The following CPEB1 variants were observed in gnomAD, a reference collection of about 807,000 sequenced individuals.
The protein encoded by CPEB1 is cytoplasmic polyadenylation element-binding protein 1.
CPEB1 carries 7 observed loss-of-function variants against 65.8 expected under a neutral mutation model. The ratio of observed to expected loss-of-function variants is 0.11; its 90% CI spans 0.06 to 0.20. The LOEUF is 0.20. Ranked by LOEUF, CPEB1 falls within the 10% of genes least tolerant of loss-of-function variation. The pLI is 1.00. For missense variants in CPEB1, 551 were observed against 712.2 expected, an observed-to-expected ratio of 0.77 and a Z score of 2.58; for synonymous variants, 262 against 260.0, an observed-to-expected ratio of 1.01 and a Z score of -0.08.
Position 82,544,365 on chromosome 15 carries a change from A to C in CPEB1, c.*227T>G. The stretch of plus-strand genomic sequence containing the variant: ...TACAGAGTCGCTTGGAGGGTAAGCC[A>C]GAGGGTCCTTGCCCTTGGTACACCC... On this transcript the variant is annotated 3_prime_UTR_variant, in exon 13 of 13. Coordinates refer to ENST00000684509, the MANE Select transcript of CPEB1 (RefSeq NM_001365242.1). 11 of 319,438 alleles carry C rather than the reference A, an allele frequency of 3.4e-5. No individual in the cohort carries two copies. The highest frequency in any genetic ancestry group is 6.8e-5 in the African/African-American group (3 of 44,146). 19.8% of individuals were successfully genotyped at this position (319,438 alleles called of 1,614,324 possible).
chr15:82,575,557 C>T (rs1203210331), intron 3 of CPEB1, among the ~76,000 whole-genome samples: 2 of 152,176 alleles, frequency 1.3e-5, no homozygotes, highest in African/African-American at 4.8e-5. Context: ...AAAATACCCA[C>T]AACCATATCT....
At chr15:82,591,842 CTTT>C (rs771971142) in intron 3 of CPEB1, among the ~76,000 whole-genome samples, 1,555 of 134,108 alleles carry the variant, frequency 0.012, 27 homozygotes, top group African/African-American at 0.039. Context: ...TGTATCAGAA[CTTT>C]TTTTTTTTTT....
At chr15:82,634,670 T>C (rs1188971808) in intron 1 of CPEB1, among the ~76,000 whole-genome samples, 1 of 152,210 alleles carries the variant, frequency 6.6e-6, no homozygotes, top group Non-Finnish European at 1.5e-5. Context: ...GTAATCCTCC[T>C]GACAAAAATG....
At chr15:82,610,340 A>T (rs1186505219) in intron 3 of CPEB1, among the ~76,000 whole-genome samples, 4 of 152,182 alleles carry the variant, frequency 2.6e-5, no homozygotes, top group Non-Finnish European at 5.9e-5. Context: ...ACGAGGAGGG[A>T]ACACTTTACA....
At chr15:82,558,036 C>T (rs2037539564) in intron 4 of CPEB1, 50 bp from the exon 5 acceptor site, 1 of 1,324,740 alleles carries the variant, frequency 7.5e-7, no homozygotes, top group African/African-American at 1.5e-5. Flanking sequence ...TTCTTTGCAG[C>T]CAACAGCCTC....
intron 3 of CPEB1, among the ~76,000 whole-genome samples, chr15:82,586,936 T>C (rs970805654): frequency 2.0e-5 from 3 of 152,322 alleles, no homozygotes; most frequent in Middle Eastern, 3.4e-3. Flanking sequence ...TAGATGACAA[T>C]GAATTAACAC....
intron 3 of CPEB1, among the ~76,000 whole-genome samples, chr15:82,626,013 G>A (rs1044799356): frequency 6.6e-6 from 1 of 151,740 alleles, no homozygotes; most frequent in African/African-American, 2.4e-5. Flanking sequence ...CCAGCTACTT[G>A]GGAGACTGAG....
chr15:82,548,939 A>G (rs2035768065), intron 10 of CPEB1, among the ~76,000 whole-genome samples: 1 of 152,208 alleles, frequency 6.6e-6, no homozygotes. Flanking sequence ...CCTTTCTCAG[A>G]GGAGCTGATC....
At chr15:82,603,779 A>T (rs921235897) in intron 3 of CPEB1, among the ~76,000 whole-genome samples, 5 of 152,182 alleles carry the variant, frequency 3.3e-5, no homozygotes, top group African/African-American at 7.2e-5. Context: ...CCACATATTT[A>T]AAAAATGCGA....
intron 3 of CPEB1, chr15:82,573,331 A>T: frequency 1.5e-6 from 1 of 660,400 alleles, no homozygotes; most frequent in East Asian, 3.0e-5. Context: ...GTGTTTGTCA[A>T]AGCCTTGTTC....
chr15:82,596,149 C>T (rs1413956017), intron 3 of CPEB1, among the ~76,000 whole-genome samples: 1 of 152,154 alleles, frequency 6.6e-6, no homozygotes, highest in Non-Finnish European at 1.5e-5. Flanking sequence ...ATCACAGAAT[C>T]ACAATGCTAT....
chr15:82,611,991 A>T (rs2044200161), intron 3 of CPEB1, among the ~76,000 whole-genome samples: 1 of 151,986 alleles, frequency 6.6e-6, no homozygotes, highest in Non-Finnish European at 1.5e-5. Flanking sequence ...TGGGCAGATC[A>T]TGAGGTCAGG....
In CPEB1 at chr15:82,544,272, G is replaced by GTTTT. The variant is rs35946080; in HGVS notation, c.*316_*319dup. 85 of 131,130 alleles carry GTTTT rather than the reference G, an allele frequency of 6.5e-4. No individual in the cohort carries two copies. Among genetic ancestry groups the GTTTT allele is most frequent in the South Asian group, 2.0e-3 (9 of 4,444 alleles). The allele number at this position is 131,130 out of a possible 1,614,324, so 8.1% of individuals were successfully genotyped here. A position where few individuals can be genotyped will look rare whatever the true frequency, so the allele number is the denominator to read the frequency against. On this transcript the variant is annotated 3_prime_UTR_variant, in exon 13 of 13. Coordinates refer to ENST00000684509, the MANE Select transcript of CPEB1 (RefSeq NM_001365242.1). ...TACCTCAATACCTTCTGGACACGTA[G>GTTTT]TTTTTTTTTTTTTTTTTTTTTTCCC...
At chr15:82,648,277 AAG>A (rs1256670263), upstream of CPEB1, 2 of 176,624 alleles carry the variant, frequency 1.1e-5, no homozygotes, top group Non-Finnish European at 1.2e-5. Flanking sequence ...CTCTTAACGA[AAG>A]AGGGCACGAT....
At chr15:82,618,954 T>C (rs1234806315) in intron 3 of CPEB1, among the ~76,000 whole-genome samples, 1 of 152,174 alleles carries the variant, frequency 6.6e-6, no homozygotes, top group Non-Finnish European at 1.5e-5. Flanking sequence ...GGGGTGGAGC[T>C]TGGACTGATG....
intron 4 of CPEB1, among the ~76,000 whole-genome samples, chr15:82,558,663 G>C (rs931502427): frequency 6.6e-6 from 1 of 152,180 alleles, no homozygotes; most frequent in African/African-American, 2.4e-5. Flanking sequence ...AGCTCACTTA[G>C]CTTCTCTGAC....
chr15:82,575,290 C>A (rs1011809173), intron 3 of CPEB1, among the ~76,000 whole-genome samples: 1 of 152,078 alleles, frequency 6.6e-6, no homozygotes, highest in South Asian at 2.1e-4. Flanking sequence ...TAAACTCTGA[C>A]CTATATACAA....
At chr15:82,606,589 C>T (rs113411441) in intron 3 of CPEB1, among the ~76,000 whole-genome samples, 7 of 46,706 alleles carry the variant, frequency 1.5e-4, no homozygotes, top group South Asian at 8.1e-4. Context: ...GAGGCCGAGG[C>T]GGGCGGATCA....
intron 3 of CPEB1, among the ~76,000 whole-genome samples, chr15:82,609,826 T>C (rs1186892776): frequency 6.6e-6 from 1 of 151,894 alleles, no homozygotes; most frequent in East Asian, 1.9e-4. Context: ...TTTGGGAGGC[T>C]GAAGTGGGTG....
Sources: gnomAD v4.1 joint callset for allele counts (sites outside exome capture counted in the v4.1 genomes callset) on GRCh38, gnomAD v4.1.1 for gene constraint, MANE v1.5 for transcripts, NCBI Gene and HGNC (gene_info 2026-07-23, HGNC 2026-07-21) for gene names.